Variants in PPM1H observed in about 807,000 individuals in gnomAD.
PPM1H encodes the protein protein phosphatase, Mg2+/Mn2+ dependent 1H, also known as protein phosphatase 1H.
Under a neutral mutation model 54.9 loss-of-function variants are expected in PPM1H, and 27 were observed. The ratio of observed to expected loss-of-function variants is 0.49; its 90% CI spans 0.36 to 0.68. The LOEUF is 0.68. Among genes scored for constraint, PPM1H ranks in the 30% least tolerant of loss-of-function variants. The probability of loss-of-function intolerance (pLI) is 0.00; values close to 1 mark genes in which losing one functional copy is unlikely to be tolerated. For synonymous variants in PPM1H, 305 were observed against 270.8 expected (o/e 1.13, Z -1.24); for missense variants, 596 against 667.8 (o/e 0.89, Z 1.19).
At chr12:62,654,856 G>C (rs149767365) in intron 9 of PPM1H, among the ~76,000 whole-genome samples, 1 of 152,162 alleles carries the variant, frequency 6.6e-6, no homozygotes, top group Non-Finnish European at 1.5e-5. Context: ...CTTCAGAAGC[G>C]TAAGGACAGC....
At chr12:62,777,997 G>A (rs1156316469) in intron 4 of PPM1H, among the ~76,000 whole-genome samples, 1 of 152,128 alleles carries the variant, frequency 6.6e-6, no homozygotes, top group Non-Finnish European at 1.5e-5. Flanking sequence ...AGCTTGGCAT[G>A]GTGGCACGCA....
At chr12:62,653,317 T>C (rs2075825569) in intron 9 of PPM1H, among the ~76,000 whole-genome samples, 1 of 152,260 alleles carries the variant, frequency 6.6e-6, no homozygotes, top group Non-Finnish European at 1.5e-5. Context: ...GTAGATATTC[T>C]CCATAAACTC....
At chr12:62,668,504 T>C (rs1408883305) in intron 8 of PPM1H, among the ~76,000 whole-genome samples, 1 of 152,144 alleles carries the variant, frequency 6.6e-6, no homozygotes, top group Non-Finnish European at 1.5e-5. Flanking sequence ...GCCTCCCAAG[T>C]AGCTGGGATT....
chr12:62,908,422 A>AAAAAAAAAAG (rs1284923713), intron 1 of PPM1H, among the ~76,000 whole-genome samples: 29 of 134,266 alleles, frequency 2.2e-4, no homozygotes, highest in Non-Finnish European at 2.7e-4. Context: ...AAAAAAAAAA[A>AAAAAAAAAAG]AAAGAAAGAA....
At chr12:62,748,451 T>C (rs2076424427) in intron 4 of PPM1H, among the ~76,000 whole-genome samples, 1 of 151,990 alleles carries the variant, frequency 6.6e-6, no homozygotes, top group Non-Finnish European at 1.5e-5. Flanking sequence ...TTCATTCCCA[T>C]CTTTAATTCC....
At chr12:62,722,022 A>G (rs2076266801) in intron 5 of PPM1H, among the ~76,000 whole-genome samples, 1 of 152,138 alleles carries the variant, frequency 6.6e-6, no homozygotes, top group Non-Finnish European at 1.5e-5. Flanking sequence ...CAAGAATTTC[A>G]AGACAGGGAC....
intron 1 of PPM1H, among the ~76,000 whole-genome samples, chr12:62,893,791 T>C (rs1870885130): frequency 6.6e-6 from 1 of 152,154 alleles, no homozygotes; most frequent in Admixed American, 6.5e-5. Context: ...CCCGCGTTCA[T>C]TTAATCTGAA....
chr12:62,718,981 A>G (rs2076249794), intron 6 of PPM1H, among the ~76,000 whole-genome samples: 1 of 152,230 alleles, frequency 6.6e-6, no homozygotes, highest in Admixed American at 6.5e-5. Context: ...TCACAGATCA[A>G]ACAAACAAAT....
intron 4 of PPM1H, among the ~76,000 whole-genome samples, chr12:62,783,687 G>C (rs1242095134): frequency 2.0e-5 from 3 of 152,240 alleles, no homozygotes; most frequent in Non-Finnish European, 4.4e-5. Flanking sequence ...CTTTGTTATA[G>C]TATTTAATAC....
At chr12:62,788,580 A>T (rs2076686735) in intron 3 of PPM1H, 1 of 398,564 alleles carries the variant, frequency 2.5e-6, no homozygotes, top group African/African-American at 2.0e-5. Context: ...AAACAGAAAC[A>T]ATCAGACAAA....
chr12:62,855,130 G>A (rs575509603), intron 1 of PPM1H, among the ~76,000 whole-genome samples: 1 of 152,240 alleles, frequency 6.6e-6, no homozygotes, highest in Non-Finnish European at 1.5e-5. Flanking sequence ...TAGAATAATA[G>A]GCCAAATGTA....
At chr12:62,670,247 G>C (rs1281916207) in intron 8 of PPM1H, among the ~76,000 whole-genome samples, 1 of 151,968 alleles carries the variant, frequency 6.6e-6, no homozygotes, top group Non-Finnish European at 1.5e-5. Flanking sequence ...AAAGTACTGG[G>C]ATTACAGGCA....
chr12:62,846,334 T>G (rs979182752), intron 1 of PPM1H, among the ~76,000 whole-genome samples: 12 of 151,636 alleles, frequency 7.9e-5, no homozygotes, highest in African/African-American at 2.4e-4. Flanking sequence ...CCATCGGTAC[T>G]AAAAAAAATA....
At chr12:62,707,284 A>T (rs2076180721) in intron 6 of PPM1H, among the ~76,000 whole-genome samples, 1 of 152,152 alleles carries the variant, frequency 6.6e-6, no homozygotes, top group Non-Finnish European at 1.5e-5. Context: ...CCACCGTTGC[A>T]CCTGAAGGCT....
In PPM1H at chr12:62,737,525, C is replaced by T; in HGVS notation, c.931G>A (p.Glu311Lys). Residue 311 changes from glutamate (E) to lysine (K), a missense_variant, in exon 5 of 10, where the codon GAG becomes AAG. By Grantham distance (56) the Glu-to-Lys change is moderately conservative. This residue lies in a region of PPM1H where 208 missense variants were observed against 259.5 expected (regional missense o/e 0.80). Transcript: ENST00000228705. ...ACCAGGTACTGAAGTCGCTGGCGCT[C>T]CGTCTCGGGGGTAAATTCTGAAGAC... is the stretch of plus-strand genomic sequence containing the variant. ...PMSSEFTPET[E>K]RQRLQYLAFM... 1 of 1,584,414 alleles carries T rather than the reference C, an allele frequency of 6.3e-7. No homozygotes were observed. Among genetic ancestry groups the T allele is most frequent in the Admixed American group, 1.8e-5 (1 of 56,216 alleles).
intron 3 of PPM1H, among the ~76,000 whole-genome samples, chr12:62,788,939 TG>T (rs1272287776): frequency 6.6e-6 from 1 of 152,196 alleles, no homozygotes; most frequent in African/African-American, 2.4e-5. Context: ...TTGTCCAGGC[TG>T]GTCTCGAACT....
At chr12:62,871,760 C>A (rs1869994376) in intron 1 of PPM1H, among the ~76,000 whole-genome samples, 2 of 152,172 alleles carry the variant, frequency 1.3e-5, no homozygotes, top group Non-Finnish European at 2.9e-5. Flanking sequence ...AAGCAATCCG[C>A]CCTCCTTGGC....
intron 7 of PPM1H, among the ~76,000 whole-genome samples, chr12:62,692,931 T>TCACACA (rs1343804577): frequency 2.1e-5 from 1 of 46,724 alleles, no homozygotes; most frequent in African/African-American, 1.3e-4. Context: ...GCTTTTGCTC[T>TCACACA]GACACACACA....
chr12:62,714,373 T>C (rs2076224710), intron 6 of PPM1H, among the ~76,000 whole-genome samples: 1 of 152,142 alleles, frequency 6.6e-6, no homozygotes, highest in Non-Finnish European at 1.5e-5. Flanking sequence ...CTGCTCCCAG[T>C]GGAAAATCCC....
Sources: allele counts gnomAD v4.1 joint callset (sites outside exome capture counted in the v4.1 genomes callset), GRCh38; gene constraint gnomAD v4.1.1; regional missense constraint gnomAD v4.1.1; transcripts MANE v1.5; gene names NCBI Gene and HGNC (gene_info 2026-07-23, HGNC 2026-07-21).